ACOXL: variants seen among roughly 807,000 people sequenced by gnomAD.
The protein encoded by ACOXL is acyl-CoA oxidase like.
ACOXL carries 70 observed loss-of-function variants against 71.9 expected under a neutral mutation model. The observed-to-expected ratio is 0.97, with a 90% confidence interval of 0.80 to 1.19. The LOEUF (loss-of-function observed/expected upper bound fraction) is 1.19, where lower values mean the gene tolerates loss of function less well. Among genes scored for constraint, ACOXL ranks in the 50% most tolerant of loss-of-function variants. The pLI, the probability that ACOXL is intolerant of heterozygous loss-of-function variation, is 0.00. For missense variants in ACOXL, 703 were observed against 736.3 expected (o/e 0.95, Z 0.52); for synonymous variants, 253 against 281.6 (o/e 0.90, Z 1.02).
intron 12 of ACOXL, among the ~76,000 whole-genome samples, chr2:110,978,852 C>G (rs937813279): frequency 6.6e-6 from 1 of 152,086 alleles, no homozygotes; most frequent in African/African-American, 2.4e-5. Context: ...CCATTTCATT[C>G]TTTATTTTGT....
At chr2:111,064,446 C>A (rs4849370) in intron 16 of ACOXL, among the ~76,000 whole-genome samples, 96,355 of 137,254 alleles carry the variant, frequency 0.7, 33,710 homozygotes, top group East Asian at 0.77. Context: ...AAAAAAAAAA[C>A]AAAAAAAAAA....
At chr2:111,079,976 T>A (rs2149969388) in intron 16 of ACOXL, among the ~76,000 whole-genome samples, 1 of 152,328 alleles carries the variant, frequency 6.6e-6, no homozygotes, top group African/African-American at 2.4e-5. Context: ...CCAGAATTTA[T>A]CCATTTCTTC....
At chr2:110,944,168 C>T (rs1429370090) in intron 12 of ACOXL, among the ~76,000 whole-genome samples, 5 of 152,040 alleles carry the variant, frequency 3.3e-5, no homozygotes, top group Admixed American at 6.6e-5. Flanking sequence ...AGCGATTCTC[C>T]GGCCTCAGCC....
At chr2:110,854,768 C>T (rs991632843) in intron 10 of ACOXL, among the ~76,000 whole-genome samples, 5 of 152,148 alleles carry the variant, frequency 3.3e-5, no homozygotes, top group Admixed American at 6.5e-5. Flanking sequence ...AGCAGAGGGA[C>T]CAGTTTCTAT....
intron 10 of ACOXL, among the ~76,000 whole-genome samples, chr2:110,895,688 A>G (rs2058980924): frequency 6.6e-6 from 1 of 152,094 alleles, no homozygotes; most frequent in Admixed American, 6.6e-5. Flanking sequence ...AGAGAGAGAA[A>G]CAATTGGAAT....
At chr2:110,833,137 TTC>T in intron 9 of ACOXL, among the ~76,000 whole-genome samples, 1 of 152,354 alleles carries the variant, frequency 6.6e-6, no homozygotes. Flanking sequence ...ACCAACTTTA[TTC>T]ATAACTCATA....
At position 110,978,435 on chromosome 2, in the gene ACOXL, G is replaced by A. The variant is rs115282268; in HGVS notation, c.1060-8673G>A. Among the ~76,000 whole-genome samples the A allele has an allele frequency of 3.9e-3, 595 of 152,258 alleles. 4 individuals carry two copies. The highest frequency in any genetic ancestry group is 0.014 in the African/African-American group (562 of 41,536). On this transcript the variant is annotated intron_variant, in intron 12 of 17. Transcript: ENST00000439055. The stretch of plus-strand genomic sequence containing the variant: ...ATTTTGGAGGAGACACATTCAAACC[G>A]TAGCAGAGAGTTTTACAGACCGCAG...
chr2:110,896,547 C>G (rs1023834713), intron 10 of ACOXL, among the ~76,000 whole-genome samples: 1 of 151,946 alleles, frequency 6.6e-6, no homozygotes. Context: ...ACATATCGTG[C>G]AAAGATTTGC....
chr2:111,028,084 A>C (rs748031619), intron 14 of ACOXL, among the ~76,000 whole-genome samples: 16 of 149,818 alleles, frequency 1.1e-4, no homozygotes, highest in Non-Finnish European at 2.4e-4. Flanking sequence ...GCTACCCAGA[A>C]GGCTGAGGTT....
chr2:110,800,608 T>TA (rs1387224279), intron 7 of ACOXL, among the ~76,000 whole-genome samples: 7 of 150,876 alleles, frequency 4.6e-5, no homozygotes, highest in Admixed American at 4.0e-4. Context: ...AGGGCCAAGA[T>TA]CATGCCAAGC....
intron 10 of ACOXL, among the ~76,000 whole-genome samples, chr2:110,873,614 A>G (rs1448772683): frequency 6.6e-6 from 1 of 152,108 alleles, no homozygotes; most frequent in Non-Finnish European, 1.5e-5. Flanking sequence ...CACTGTCCCC[A>G]CTGCTCAGCT....
At chr2:111,106,808 G>A (rs2069566121) in intron 17 of ACOXL, among the ~76,000 whole-genome samples, 1 of 152,146 alleles carries the variant, frequency 6.6e-6, no homozygotes, top group East Asian at 1.9e-4. Context: ...TTTCTGGGTG[G>A]AAGTGGGAGT....
intron 1 of ACOXL, among the ~76,000 whole-genome samples, chr2:110,737,522 T>C (rs1677014113): frequency 6.6e-6 from 1 of 152,244 alleles, no homozygotes; most frequent in African/African-American, 2.4e-5. Context: ...TATTTCCTTC[T>C]GTCACAACCT....
chr2:110,991,771 G>T (rs559043641), intron 13 of ACOXL, among the ~76,000 whole-genome samples: 1 of 152,102 alleles, frequency 6.6e-6, no homozygotes, highest in East Asian at 1.9e-4. Context: ...GCTCCTACAT[G>T]TTAGGACTGT....
chr2:110,929,028 C>T (rs13033391), intron 11 of ACOXL, among the ~76,000 whole-genome samples: 13 of 152,126 alleles, frequency 8.5e-5, no homozygotes, highest in Non-Finnish European at 1.5e-4. Context: ...CGGCATGAAA[C>T]GGACTAATAG....
chr2:111,031,271 T>C (rs1478352746), intron 14 of ACOXL, among the ~76,000 whole-genome samples: 1 of 150,690 alleles, frequency 6.6e-6, no homozygotes, highest in Non-Finnish European at 1.5e-5. Flanking sequence ...TGTTGAGGAT[T>C]AGATTCAAGT....
chr2:110,756,724 C>A (rs1247041835), intron 1 of ACOXL, among the ~76,000 whole-genome samples: 2 of 152,120 alleles, frequency 1.3e-5, no homozygotes, highest in Non-Finnish European at 2.9e-5. Context: ...ATTTGATATA[C>A]CACATTTGTC....
chr2:111,038,869 C>T (rs1292972006), intron 15 of ACOXL, among the ~76,000 whole-genome samples: 1 of 152,152 alleles, frequency 6.6e-6, no homozygotes, highest in Non-Finnish European at 1.5e-5. Context: ...ACATGAGCCA[C>T]CCACACAAAA....
intron 16 of ACOXL, among the ~76,000 whole-genome samples, chr2:111,074,116 A>T (rs2067478113): frequency 6.7e-6 from 1 of 148,586 alleles, no homozygotes. Flanking sequence ...TAAGCTCGTT[A>T]TTAGTTCTAG....
Sources: allele counts gnomAD v4.1 joint callset (sites outside exome capture counted in the v4.1 genomes callset), GRCh38; gene constraint gnomAD v4.1.1; transcripts MANE v1.5; gene names NCBI Gene and HGNC (gene_info 2026-07-23, HGNC 2026-07-21).